EPB41L3: variants seen among roughly 807,000 people sequenced by gnomAD.
The protein encoded by EPB41L3 is band 4.1-like protein 3.
In EPB41L3, 57 loss-of-function variants were observed where a neutral mutation model predicts 127.1. That is an observed-to-expected ratio of 0.45 (90% CI 0.36 to 0.56). EPB41L3 has a LOEUF of 0.56. EPB41L3 is among the 20% of genes least tolerant of loss of function. The pLI is 0.00. For synonymous variants in EPB41L3, 572 were observed against 549.5 expected, an observed-to-expected ratio of 1.04 and a Z score of -0.57; for missense variants, 1,273 against 1,372.2, an observed-to-expected ratio of 0.93 and a Z score of 1.14.
chr18:5,484,110 A>AAAAAAAAAAAAAAAAAAAAC (rs2089227763), intron 2 of EPB41L3, among the ~76,000 whole-genome samples: 1 of 136,148 alleles, frequency 7.3e-6, no homozygotes, highest in South Asian at 2.4e-4. Flanking sequence ...AAAAAAAAAA[A>AAAAAAAAAAAAAAAAAAAAC]AAAAAAAAAA....
intron 3 of EPB41L3, among the ~76,000 whole-genome samples, chr18:5,566,772 C>CTATTT (rs2094209198): frequency 6.8e-6 from 1 of 146,254 alleles, no homozygotes; most frequent in African/African-American, 2.5e-5. Flanking sequence ...CTATTCTATT[C>CTATTT]TATTCTATTC....
At chr18:5,623,757 C>A (rs1411618539) in intron 1 of EPB41L3, among the ~76,000 whole-genome samples, 1 of 151,716 alleles carries the variant, frequency 6.6e-6, no homozygotes, top group Admixed American at 6.6e-5. Flanking sequence ...AAGTGATTCT[C>A]ATGCCTCAGC....
chr18:5,602,917 C>T (rs1039937135), intron 3 of EPB41L3, among the ~76,000 whole-genome samples: 3 of 152,162 alleles, frequency 2.0e-5, no homozygotes, highest in African/African-American at 7.2e-5. Context: ...TAATCTCATT[C>T]TCTATATGCC....
At chr18:5,516,251 C>T (rs903622136) in intron 1 of EPB41L3, among the ~76,000 whole-genome samples, 3 of 152,160 alleles carry the variant, frequency 2.0e-5, no homozygotes, top group African/African-American at 7.2e-5. Context: ...TCCAAGGGCT[C>T]ATCTAATTGG....
At chr18:5,573,541 C>G (rs544955066) in intron 3 of EPB41L3, among the ~76,000 whole-genome samples, 10 of 152,248 alleles carry the variant, frequency 6.6e-5, no homozygotes, top group African/African-American at 2.4e-4. Context: ...AACATTTACT[C>G]ATATATGTAG....
At chr18:5,528,137 A>G (rs1161969667) in intron 1 of EPB41L3, among the ~76,000 whole-genome samples, 1 of 152,194 alleles carries the variant, frequency 6.6e-6, no homozygotes, top group Admixed American at 6.5e-5. Context: ...GCACATGCAG[A>G]GAATGCAGGG....
intron 3 of EPB41L3, among the ~76,000 whole-genome samples, chr18:5,457,656 T>C (rs529816455): frequency 6.6e-6 from 1 of 152,106 alleles, no homozygotes; most frequent in Non-Finnish European, 1.5e-5. Context: ...AGCAAAAGCC[T>C]AACTGTGGAA....
chr18:5,595,914 C>T (rs2094532474), intron 3 of EPB41L3, among the ~76,000 whole-genome samples: 1 of 152,054 alleles, frequency 6.6e-6, no homozygotes, highest in Non-Finnish European at 1.5e-5. Context: ...TAGGTGGCTC[C>T]CATCTTCCAC....
chr18:5,407,342 G>A (rs1356751879), intron 15 of EPB41L3: 2 of 401,154 alleles, frequency 5.0e-6, no homozygotes, highest in Admixed American at 4.2e-5. Flanking sequence ...TAATGGATGA[G>A]CACACAGTTC....
chr18:5,505,575 T>C (rs1470829751), intron 1 of EPB41L3, among the ~76,000 whole-genome samples: 5 of 70,172 alleles, frequency 7.1e-5, no homozygotes, highest in African/African-American at 1.1e-4. Flanking sequence ...CTCCCCACCA[T>C]ACCTTCACCT....
chr18:5,596,905 T>C (rs549639137), intron 3 of EPB41L3, among the ~76,000 whole-genome samples: 12 of 152,130 alleles, frequency 7.9e-5, no homozygotes, highest in Non-Finnish European at 1.5e-4. Flanking sequence ...TTCCAGCATT[T>C]TGAAATCTCC....
chr18:5,397,939 C>T lies in EPB41L3; in HGVS notation c.2472+82G>A. The T allele has an allele frequency of 6.4e-7, 1 of 1,568,596 alleles. No individual in the cohort carries two copies. Among genetic ancestry groups the T allele is most frequent in the Non-Finnish European group, 8.7e-7 (1 of 1,145,798 alleles). On this transcript the variant is annotated intron_variant, in intron 17 of 22. Coordinates refer to ENST00000341928, the MANE Select transcript of EPB41L3 (RefSeq NM_012307.5). This position sits in a 1 kb window ranked among gnomAD's most constrained non-coding sequence, Gnocchi z 4.1. Reference sequence around the variant, plus strand: ...TGAAGGCAAAGCCAGCTGGATGCAACCACACACTCACGCCCAAAAAAAGGG... The same window carrying T: ...TGAAGGCAAAGCCAGCTGGATGCAATCACACACTCACGCCCAAAAAAAGGG...
At chr18:5,593,583 C>A (rs1423747407) in intron 3 of EPB41L3, among the ~76,000 whole-genome samples, 4 of 152,136 alleles carry the variant, frequency 2.6e-5, no homozygotes, top group African/African-American at 9.7e-5. Context: ...GTTTCAGGCA[C>A]CATTGTCATT....
chr18:5,480,214 T>C (rs965038530), intron 2 of EPB41L3: 6 of 152,162 alleles, frequency 3.9e-5, no homozygotes, highest in African/African-American at 1.2e-4. Flanking sequence ...TTTCAAAGGA[T>C]AGGCATTGTT....
intron 3 of EPB41L3, among the ~76,000 whole-genome samples, chr18:5,576,895 C>T (rs1317534098): frequency 6.6e-6 from 1 of 152,202 alleles, no homozygotes; most frequent in Non-Finnish European, 1.5e-5. Context: ...GGAGAGCATT[C>T]ACACTTTTAA....
chr18:5,547,990 C>T (rs141331845), upstream of EPB41L3, among the ~76,000 whole-genome samples: 24 of 152,226 alleles, frequency 1.6e-4, no homozygotes, highest in African/African-American at 5.5e-4. Context: ...GCAAACCCTA[C>T]AAATGCCACC....
intron 9 of EPB41L3, among the ~76,000 whole-genome samples, chr18:5,425,961 T>C (rs2078119238): frequency 1.3e-5 from 2 of 152,198 alleles, no homozygotes; most frequent in African/African-American, 4.8e-5. Flanking sequence ...TTAGTCCACA[T>C]CCTGCGTGCC....
chr18:5,423,347 A>C (rs2077719006), intron 11 of EPB41L3, 31 bp downstream of exon 11: 1 of 1,573,462 alleles, frequency 6.4e-7, no homozygotes, highest in Admixed American at 1.8e-5. Context: ...GGTAGGTACT[A>C]GGTTATTAAG....
At chr18:5,567,844 G>A (rs2094227327) in intron 3 of EPB41L3, among the ~76,000 whole-genome samples, 1 of 152,078 alleles carries the variant, frequency 6.6e-6, no homozygotes, top group South Asian at 2.1e-4. Context: ...TGTCATTTAT[G>A]TCTAAGTGTG....
Sources: gnomAD v4.1 joint callset for allele counts (sites outside exome capture counted in the v4.1 genomes callset) on GRCh38, gnomAD v4.1.1 for gene constraint, Gnocchi (gnomAD v3.1) non-coding constraint, MANE v1.5 for transcripts, NCBI Gene and HGNC (gene_info 2026-07-23, HGNC 2026-07-21) for gene names.